Variants in RGS3 observed in about 807,000 individuals in gnomAD.
RGS3 encodes regulator of G protein signaling 3.
A neutral mutation model predicts 132.6 loss-of-function variants in RGS3; 80 were observed. The ratio of observed to expected loss-of-function variants is 0.60; its 90% CI spans 0.50 to 0.73. The LOEUF (loss-of-function observed/expected upper bound fraction) is 0.73, where lower values mean the gene tolerates loss of function less well. Among genes scored for constraint, RGS3 ranks in the 30% least tolerant of loss-of-function variants. The pLI is 0.00. For synonymous variants in RGS3, 598 were observed against 620.6 expected, an observed-to-expected ratio of 0.96 and a Z score of 0.54; for missense variants, 1,382 against 1,530.8, an observed-to-expected ratio of 0.90 and a Z score of 1.62.
At chr9:113,583,783 C>T in exon 20 of RGS3, 1 of 1,614,188 alleles carries the variant, frequency 6.2e-7, no homozygotes, top group South Asian at 1.1e-5. Context: ...ACCCCTGCCT[C>T]ACCAGGACCC....
chr9:113,571,033 A>G (rs1260760246), intron 19 of RGS3, among the ~76,000 whole-genome samples: 1 of 152,222 alleles, frequency 6.6e-6, no homozygotes, highest in Non-Finnish European at 1.5e-5. Flanking sequence ...ACTTCTTTTG[A>G]TCAGCATTTT....
intron 7 of RGS3, among the ~76,000 whole-genome samples, chr9:113,494,472 T>C: frequency 6.6e-6 from 1 of 152,252 alleles, no homozygotes; most frequent in East Asian, 1.9e-4. Flanking sequence ...TTTGAGACAG[T>C]GTCTTGCTCT....
exon 8 of RGS3, chr9:113,495,799 A>G: frequency 1.2e-6 from 2 of 1,614,140 alleles, no homozygotes; most frequent in Non-Finnish European, 1.7e-6. Context: ...GAGTGGACTC[A>G]TTGGCTGCAT....
chr9:113,483,429 C>T (rs748520844), intron 5 of RGS3, among the ~76,000 whole-genome samples: 1 of 152,168 alleles, frequency 6.6e-6, no homozygotes, highest in African/African-American at 2.4e-5. Flanking sequence ...TGAAAAGCAC[C>T]GTTTTCACCC....
intron 19 of RGS3, among the ~76,000 whole-genome samples, chr9:113,551,117 T>C (rs1833321548): frequency 5.3e-5 from 8 of 152,336 alleles, no homozygotes; most frequent in Admixed American, 5.2e-4. Context: ...TTAGCTATCA[T>C]CCATTATTTC....
At chr9:113,520,390 T>G (rs1831887081) in intron 16 of RGS3, among the ~76,000 whole-genome samples, 1 of 152,200 alleles carries the variant, frequency 6.6e-6, no homozygotes, top group African/African-American at 2.4e-5. Flanking sequence ...CATTTATGCC[T>G]TAATCACTTC....
chr9:113,511,096 G>A (rs537114093), intron 14 of RGS3, among the ~76,000 whole-genome samples: 31 of 152,132 alleles, frequency 2.0e-4, no homozygotes, highest in Non-Finnish European at 3.7e-4. Flanking sequence ...GTGCCCTTCC[G>A]GAGCCCAGAG....
intron 7 of RGS3, among the ~76,000 whole-genome samples, chr9:113,489,232 C>G (rs1031338485): frequency 2.6e-5 from 4 of 152,148 alleles, no homozygotes; most frequent in Admixed American, 6.5e-5. Context: ...CACTCGTTCT[C>G]CAATTTAACC....
chr9:113,560,090 T>C, intron 19 of RGS3, among the ~76,000 whole-genome samples: 1 of 152,170 alleles, frequency 6.6e-6, no homozygotes, highest in Non-Finnish European at 1.5e-5. Flanking sequence ...ACTCAGATTT[T>C]TTAGACTTCA....
chr9:113,450,315 C>A (rs908283126), intron 1 of RGS3, among the ~76,000 whole-genome samples: 2 of 151,934 alleles, frequency 1.3e-5, no homozygotes, highest in African/African-American at 2.4e-5. Context: ...TCGTGATCCA[C>A]CCGCCTTGGC....
intron 8 of RGS3, among the ~76,000 whole-genome samples, chr9:113,496,664 C>T (rs1411755142): frequency 6.6e-6 from 1 of 152,116 alleles, no homozygotes; most frequent in Non-Finnish European, 1.5e-5. Flanking sequence ...AATTCTCCTG[C>T]CTCAGCCTCC....
intron 19 of RGS3, chr9:113,582,401 T>C (rs957382513): frequency 1.2e-5 from 2 of 164,048 alleles, no homozygotes; most frequent in Non-Finnish European, 2.5e-5. Context: ...CCCAAGCATC[T>C]GTTCAGTTCC....
At chr9:113,469,233 C>T (rs1366355067) in intron 3 of RGS3, among the ~76,000 whole-genome samples, 1 of 151,972 alleles carries the variant, frequency 6.6e-6, no homozygotes. Flanking sequence ...CACGGTCAGG[C>T]CCTGAACTGG....
chr9:113,595,714 C>A (rs765298605), exon 24 of RGS3: 3 of 1,614,006 alleles, frequency 1.9e-6, no homozygotes, highest in Non-Finnish European at 2.5e-6. Context: ...AGATGGCATC[C>A]AAGGCCAAGA....
intron 23 of RGS3, 149 bp from the exon 22 acceptor site, chr9:113,595,450 A>G: frequency 1.2e-6 from 1 of 804,472 alleles, no homozygotes; most frequent in East Asian, 2.6e-5. Context: ...GGCTGGGGCC[A>G]CATCCCAGGG....
At chr9:113,481,672 C>T (rs1266583518) in intron 4 of RGS3, among the ~76,000 whole-genome samples, 1 of 152,220 alleles carries the variant, frequency 6.6e-6, no homozygotes. Flanking sequence ...CACCGGTCCC[C>T]ACTCCTTCCA....
At chr9:113,516,847 T>C (rs1418586360) in intron 15 of RGS3, among the ~76,000 whole-genome samples, 1 of 152,214 alleles carries the variant, frequency 6.6e-6, no homozygotes, top group Non-Finnish European at 1.5e-5. Flanking sequence ...CAGGTCCAGC[T>C]TGCTATTTGT....
At chr9:113,500,359 C>G (rs1234891041) in intron 10 of RGS3, among the ~76,000 whole-genome samples, 3 of 152,210 alleles carry the variant, frequency 2.0e-5, no homozygotes, top group Non-Finnish European at 4.4e-5. Flanking sequence ...ACCAAGGAAC[C>G]CTCTGTCATC....
At chr9:113,529,563 G>A (rs148198256) in intron 18 of RGS3, among the ~76,000 whole-genome samples, 15 of 152,310 alleles carry the variant, frequency 9.8e-5, no homozygotes, top group South Asian at 2.1e-4. Context: ...GGGTGTGGCC[G>A]GGCAACTGTG....
Sources: allele counts gnomAD v4.1 joint callset (sites outside exome capture counted in the v4.1 genomes callset), GRCh38; gene constraint gnomAD v4.1.1; transcripts MANE v1.5; gene names NCBI Gene and HGNC (gene_info 2026-07-23, HGNC 2026-07-21).